DPY19L4: variants seen among roughly 807,000 people sequenced by gnomAD.
DPY19L4 encodes dpy-19 like 4.
DPY19L4 carries 97 observed loss-of-function variants against 102.8 expected under a neutral mutation model. That is an observed-to-expected ratio of 0.94 (90% confidence interval 0.80 to 1.12). DPY19L4 has a LOEUF of 1.12. DPY19L4 is among the 50% of genes most tolerant of loss of function. The pLI, the probability that DPY19L4 is intolerant of heterozygous loss-of-function variation, is 0.00. For missense variants in DPY19L4, 815 were observed against 850.4 expected (o/e 0.96, Z 0.52); for synonymous variants, 252 against 283.1 (o/e 0.89, Z 1.10).
chr8:94,781,055 G>GAT (rs761778060), intron 15 of DPY19L4, 29 bp from the exon 16 acceptor site: 11 of 843,216 alleles, frequency 1.3e-5, no homozygotes, highest in Non-Finnish European at 1.7e-5. Flanking sequence ...ATCTTTTGGG[G>GAT]ATTTTTTTTT....
chr8:94,772,414 C>T (rs1164686586), intron 13 of DPY19L4, among the ~76,000 whole-genome samples: 4 of 152,208 alleles, frequency 2.6e-5, no homozygotes, highest in African/African-American at 9.7e-5. Flanking sequence ...ACTCAAGTTA[C>T]AGTTGGTTAC....
Position 94,734,618 on chromosome 8 carries a change from A to G in DPY19L4, c.128-12A>G. 2 of 1,607,506 alleles carry G rather than the reference A, an allele frequency of 1.2e-6. No homozygotes were observed. Among genetic ancestry groups the G allele is most frequent in the Non-Finnish European group, 8.5e-7 (1 of 1,175,980 alleles). On this transcript the variant is annotated splice_polypyrimidine_tract_variant and intron_variant, in intron 2 of 18. Transcript: ENST00000414645. The stretch of plus-strand genomic sequence containing the variant: ...ATATTACCTTTTCATTACTTTTAAT[A>G]TACTTTTTCAGATGTATTATTTCAA...
intron 6 of DPY19L4, among the ~76,000 whole-genome samples, chr8:94,753,838 A>C (rs1048690245): frequency 1.3e-5 from 2 of 152,062 alleles, no homozygotes; most frequent in East Asian, 1.9e-4. Flanking sequence ...GCACCACTGC[A>C]CTCCAGCCTG....
At chr8:94,768,843 T>G (rs1017736388) in intron 12 of DPY19L4, among the ~76,000 whole-genome samples, 4 of 151,540 alleles carry the variant, frequency 2.6e-5, no homozygotes, top group Non-Finnish European at 4.4e-5. Flanking sequence ...AGTACATAAA[T>G]TAGCTGGGCG....
intron 13 of DPY19L4, 38 bp from the exon 14 acceptor site, chr8:94,777,628 C>T (rs1419746559): frequency 6.3e-6 from 10 of 1,592,916 alleles, no homozygotes; most frequent in Admixed American, 3.5e-5. Context: ...ATGATGTTCA[C>T]AGGATGTCTC....
In DPY19L4 at chr8:94,788,029, T is replaced by G. The variant is rs1157290611; in HGVS notation, c.1984T>G (p.Leu662Val). ...GPMRGCRVKD[L>V]LDIANGHMVC... ...CATGAGAGGCTGTAGGGTTAAAGAT[T>G]TATTAGACATTGCAAATGGCCACGT... is the stretch of plus-strand genomic sequence containing the variant. Residue 662 changes from leucine to valine, a missense_variant, in exon 18 of 19, where the codon TTA (leucine) becomes GTA (valine). Physicochemically the swap from Leu to Val is conservative, Grantham distance 32. Transcript: ENST00000414645. 1.4e-6 allele frequency: 2 copies of G among 1,472,576 alleles called. No homozygotes were observed. Among genetic ancestry groups the G allele is most frequent in the Non-Finnish European group, 1.8e-6 (2 of 1,112,322 alleles). 91.2% of individuals were successfully genotyped at this position (1,472,576 alleles called of 1,614,324 possible). A position where few individuals can be genotyped will look rare whatever the true frequency, so the allele number is the denominator to read the frequency against.
chr8:94,742,954 C>T (rs1430861885), intron 6 of DPY19L4, among the ~76,000 whole-genome samples: 1 of 152,144 alleles, frequency 6.6e-6, no homozygotes, highest in Non-Finnish European at 1.5e-5. Context: ...ACCCGCCTGC[C>T]TTGGCTTCCC....
rs558971823 is a variant in DPY19L4 at position 94,772,332 on chromosome 8, A to G, written c.1454+1761A>G. 8.5e-5 allele frequency among the ~76,000 whole-genome samples: 13 copies of G among 152,312 alleles called. No individual in the cohort carries two copies. The East Asian group carries it at 9.6e-4, about 11-fold the overall frequency. On this transcript the variant is annotated intron_variant, in intron 13 of 18. Coordinates refer to ENST00000414645, the MANE Select transcript of DPY19L4 (RefSeq NM_181787.3). ...CATCCTTACTTCTGTCACCAACTGCAAGTTTGAGAGTCCCCCAAACTACCC... is the reference window on the plus strand; with the variant it reads ...CATCCTTACTTCTGTCACCAACTGCGAGTTTGAGAGTCCCCCAAACTACCC...
chr8:94,740,935 G>C (rs1180855745), intron 6 of DPY19L4, among the ~76,000 whole-genome samples: 1 of 152,048 alleles, frequency 6.6e-6, no homozygotes, highest in African/African-American at 2.4e-5. Context: ...AGTGCATCTG[G>C]TTGTTATGTT....
rs1310564846 is a variant in DPY19L4 at position 94,788,947 on chromosome 8, T to C, written c.2008-799T>C. On this transcript the variant is annotated intron_variant, in intron 18 of 18. Coordinates refer to ENST00000414645, the MANE Select transcript of DPY19L4 (RefSeq NM_181787.3). Reference sequence around the variant, plus strand: ...ATCTTTTCCTCATGACCCCTTAATCTTGTAATATAAACTTACTCTGTTTTA... The same window carrying C: ...ATCTTTTCCTCATGACCCCTTAATCCTGTAATATAAACTTACTCTGTTTTA... Among the ~76,000 whole-genome samples, 8 of 152,246 alleles carry C rather than the reference T, an allele frequency of 5.3e-5. No individual in the cohort carries two copies. In the East Asian group the frequency reaches 1.5e-3, roughly 29 times the overall value.
chr8:94,752,433 A>G (rs1380907659), intron 6 of DPY19L4, among the ~76,000 whole-genome samples: 3 of 151,626 alleles, frequency 2.0e-5, no homozygotes, highest in Non-Finnish European at 2.9e-5. Context: ...TAAAAATACA[A>G]AAATTATCCG....
chr8:94,746,005 C>T (rs899780947), intron 6 of DPY19L4, among the ~76,000 whole-genome samples: 1 of 151,320 alleles, frequency 6.6e-6, no homozygotes, highest in Non-Finnish European at 1.5e-5. Context: ...CTGCCCACCT[C>T]AGCCTCCCAA....
chr8:94,753,974 G>C (rs1812055137), intron 6 of DPY19L4, among the ~76,000 whole-genome samples: 1 of 152,128 alleles, frequency 6.6e-6, no homozygotes, highest in Non-Finnish European at 1.5e-5. Context: ...TTGAACCCAG[G>C]AGTTTGAGAC....
At position 94,793,811 on chromosome 8, in the gene DPY19L4, A is replaced by G. The variant is rs1307454764; in HGVS notation, c.*3901A>G. 2 of 152,196 alleles carry G rather than the reference A, an allele frequency of 1.3e-5. No homozygotes were observed. The highest frequency in any genetic ancestry group is 4.8e-5 in the African/African-American group (2 of 41,460). The allele number at this position is 152,196 out of a possible 1,614,324, so 9.4% of individuals were successfully genotyped here. A position where few individuals can be genotyped will look rare whatever the true frequency, so the allele number is the denominator to read the frequency against. ...GTCTAAACATTATACTTACTTTTTC[A>G]TAATAAAGGAAATTTTGGAACCAAA... On this transcript the variant is annotated 3_prime_UTR_variant, in exon 19 of 19. Coordinates refer to ENST00000414645, the MANE Select transcript of DPY19L4 (RefSeq NM_181787.3).
intron 16 of DPY19L4, among the ~76,000 whole-genome samples, chr8:94,782,171 A>G (rs528430334): frequency 6.6e-6 from 1 of 152,302 alleles, no homozygotes; most frequent in African/African-American, 2.4e-5. Context: ...CATCTTGAGA[A>G]TTAGCAGGGT....
intron 7 of DPY19L4, among the ~76,000 whole-genome samples, chr8:94,760,168 C>T (rs1290399534): frequency 6.6e-6 from 1 of 152,152 alleles, no homozygotes; most frequent in African/African-American, 2.4e-5. Context: ...ACTGTATGCT[C>T]TTAGAGTAGT....
At chr8:94,762,742 A>T (rs1383044098) in intron 8 of DPY19L4, among the ~76,000 whole-genome samples, 2 of 152,076 alleles carry the variant, frequency 1.3e-5, no homozygotes, top group African/African-American at 2.4e-5. Flanking sequence ...CCTACAAAAA[A>T]TTTTTAAAAA....
intron 6 of DPY19L4, among the ~76,000 whole-genome samples, chr8:94,755,790 C>T (rs1344740766): frequency 6.6e-6 from 1 of 152,054 alleles, no homozygotes; most frequent in African/African-American, 2.4e-5. Context: ...GAGGCTGAGG[C>T]AGGAGAATCA....
At chr8:94,781,031 A>G (rs1813402835) in intron 15 of DPY19L4, 53 bp from the exon 16 acceptor site, 4 of 1,444,956 alleles carry the variant, frequency 2.8e-6, no homozygotes, top group Non-Finnish European at 3.7e-6. Flanking sequence ...TAAACTTTCT[A>G]ATTACTGACA....
Sources: gnomAD v4.1 joint callset for allele counts (sites outside exome capture counted in the v4.1 genomes callset) on GRCh38, gnomAD v4.1.1 for gene constraint, MANE v1.5 for transcripts, NCBI Gene and HGNC (gene_info 2026-07-23, HGNC 2026-07-21) for gene names.